The following WBP2NL variants were observed in gnomAD, a reference collection of about 807,000 sequenced individuals.
WBP2NL encodes WBP2 N-terminal like, also known as postacrosomal sheath WW domain-binding protein.
A neutral mutation model predicts 23.3 loss-of-function variants in WBP2NL; 27 were observed. The ratio of observed to expected loss-of-function variants is 1.16; its 90% CI spans 0.85 to 1.60. The LOEUF (loss-of-function observed/expected upper bound fraction) is 1.60, where lower values mean the gene tolerates loss of function less well. Among genes scored for constraint, WBP2NL ranks in the 40% most tolerant of loss-of-function variants. The pLI, the probability that WBP2NL is intolerant of heterozygous loss-of-function variation, is 0.00. For missense variants in WBP2NL, 370 were observed against 389.5 expected (o/e 0.95, Z 0.42); for synonymous variants, 151 against 145.9 (o/e 1.03, Z -0.25).
intron 1 of WBP2NL, among the ~76,000 whole-genome samples, chr22:42,005,048 C>G (rs1185886136): frequency 1.3e-5 from 2 of 151,512 alleles, no homozygotes; most frequent in African/African-American, 2.4e-5. Context: ...GAAACCCCGT[C>G]TCTACTAAAA....
rs1336781232 is a variant in WBP2NL, at chr22:42,057,309, TTA to T, written c.*274-980_*274-979del. ...TCTTTTTCTGTCAAATCTACTATTA[TTA>T]AACCTCTTCAGTGAATTCTCATTTC... On this transcript the variant is annotated intron_variant and NMD_transcript_variant, in intron 8 of 8. Coordinates refer to the WBP2NL transcript ENST00000436265. Among the ~76,000 whole-genome samples the T allele has an allele frequency of 2.0e-5, 3 of 152,198 alleles. No homozygotes were observed. In the East Asian group the frequency reaches 5.8e-4, roughly 29 times the overall value.
At chr22:42,026,548 T>C (rs1809204510) in intron 5 of WBP2NL, among the ~76,000 whole-genome samples, 1 of 152,168 alleles carries the variant, frequency 6.6e-6, no homozygotes, top group African/African-American at 2.4e-5. Flanking sequence ...CGCACCGATC[T>C]ATTGATAGGG....
At chr22:42,023,723 CT>C (rs1924199636) in intron 5 of WBP2NL, among the ~76,000 whole-genome samples, 2 of 151,740 alleles carry the variant, frequency 1.3e-5, no homozygotes, top group South Asian at 4.2e-4. Flanking sequence ...TCTCGATCTC[CT>C]GACCTTGTGA....
In WBP2NL at chr22:42,053,675, G is replaced by T. The variant is rs184748459; in HGVS notation, c.*274-4615G>T. Among the ~76,000 whole-genome samples the T allele has an allele frequency of 3.3e-5, 5 of 152,060 alleles. No homozygotes were observed. In the East Asian group the frequency reaches 9.7e-4, roughly 29 times the overall value. Reference sequence around the variant, plus strand: ...GGGTTTTACTATGTTGGCCAGGCTGGTCTCGAACTCCTGACCTCATGATCC... The same window carrying T: ...GGGTTTTACTATGTTGGCCAGGCTGTTCTCGAACTCCTGACCTCATGATCC... On this transcript the variant is annotated intron_variant and NMD_transcript_variant, in intron 8 of 8. Coordinates refer to the WBP2NL transcript ENST00000436265.
In WBP2NL at chr22:42,057,551, C is replaced by CT. The variant is rs11302032; in HGVS notation, c.*274-727dup. Among the ~76,000 whole-genome samples the CT allele has an allele frequency of 4.7e-3, 691 of 146,300 alleles. 2 individuals carry two copies. Among genetic ancestry groups the CT allele is most frequent in the African/African-American group, 0.016 (626 of 39,678 alleles). On this transcript the variant is annotated intron_variant and NMD_transcript_variant, in intron 8 of 8. Coordinates refer to the WBP2NL transcript ENST00000436265. ...GCTTGCTGTTTCTACTAGAATTCAA[C>CT]TTTTTTTTTTTTCAGTTGAAGTTTT... is the stretch of plus-strand genomic sequence containing the variant.
At chr22:42,014,053 A>T (rs886639296) in intron 1 of WBP2NL, among the ~76,000 whole-genome samples, 1 of 152,008 alleles carries the variant, frequency 6.6e-6, no homozygotes, top group Non-Finnish European at 1.5e-5. Flanking sequence ...AAGTACTGGG[A>T]TTACAGGCAT....
chr22:42,000,772 C>CA (rs56318914), intron 1 of WBP2NL, among the ~76,000 whole-genome samples: 68,314 of 133,110 alleles, frequency 0.51, 16,680 homozygotes, highest in East Asian at 0.85. Context: ...ACTAAAAATA[C>CA]AAAAAAAAAA....
chr22:42,024,086 C>T (rs1429795868), intron 5 of WBP2NL, among the ~76,000 whole-genome samples: 14 of 152,168 alleles, frequency 9.2e-5, no homozygotes, highest in Admixed American at 7.9e-4. Flanking sequence ...AGAAATCATA[C>T]AATATGTGAC....
chr22:42,022,483 A>C, intron 5 of WBP2NL, 127 bp downstream of exon 5: 1 of 817,446 alleles, frequency 1.2e-6, no homozygotes, highest in Non-Finnish European at 1.9e-6. Context: ...GAAAATGGTC[A>C]CATCTGTGAC....
At chr22:42,022,162 A>AAATACTCTG in intron 4 of WBP2NL, 87 bp from the exon 5 acceptor site, 1 of 1,088,484 alleles carries the variant, frequency 9.2e-7, no homozygotes. Flanking sequence ...GGTGGTGATT[A>AAATACTCTG]AATACTCTGT....
At chr22:42,021,632 C>G (rs983493078) in intron 4 of WBP2NL, among the ~76,000 whole-genome samples, 1 of 152,140 alleles carries the variant, frequency 6.6e-6, no homozygotes, top group Non-Finnish European at 1.5e-5. Context: ...ATATATCTTA[C>G]CAACTTGGTA....
chr22:42,003,921 G>A (rs1461271337), intron 1 of WBP2NL, among the ~76,000 whole-genome samples: 2 of 152,214 alleles, frequency 1.3e-5, no homozygotes, highest in African/African-American at 4.8e-5. Context: ...TGATGCTTTA[G>A]GAAAAGTTTA....
At chr22:42,057,296 A>G (rs1224948783) in intron 8 of WBP2NL, among the ~76,000 whole-genome samples, 2 of 152,118 alleles carry the variant, frequency 1.3e-5, no homozygotes, top group East Asian at 3.8e-4. Flanking sequence ...TTTTTCTGTC[A>G]AATCTACTAT....
At chr22:42,001,601 G>A in intron 1 of WBP2NL, 1 of 1,148,918 alleles carries the variant, frequency 8.7e-7, no homozygotes, top group Non-Finnish European at 1.3e-6. Context: ...TGTGGCCCCA[G>A]TGGCACCGCC....
chr22:42,050,631 G>A (rs186298014), intron 8 of WBP2NL, among the ~76,000 whole-genome samples: 1 of 151,094 alleles, frequency 6.6e-6, no homozygotes, highest in East Asian at 2.0e-4. Context: ...CTGGGCAACA[G>A]AGTGAGACTC....
In WBP2NL at chr22:41,998,998, C is replaced by G. The variant is rs552498256; in HGVS notation, c.62+118C>G. 40 of 1,201,842 alleles carry G rather than the reference C, an allele frequency of 3.3e-5. No homozygotes were observed. The East Asian group carries it at 7.3e-4, about 22-fold the overall frequency. The allele number at this position is 1,201,842 out of a possible 1,614,324, so 74.4% of individuals were successfully genotyped here. A position where few individuals can be genotyped will look rare whatever the true frequency, so the allele number is the denominator to read the frequency against. On this transcript the variant is annotated intron_variant, in intron 1 of 5. Coordinates refer to ENST00000328823, the MANE Select transcript of WBP2NL (RefSeq NM_152613.3). ...TGCCGCCTTTTTTGGGCGCGGCGCT[C>G]TTAGCTCCGCCCCCGACCTTTGGGA... is the stretch of plus-strand genomic sequence containing the variant.
intron 1 of WBP2NL, among the ~76,000 whole-genome samples, chr22:42,013,844 G>A (rs758423751): frequency 6.6e-5 from 10 of 151,514 alleles, no homozygotes; most frequent in Admixed American, 1.3e-4. Context: ...GCATTGGTGC[G>A]ATCTCAGTTC....
At chr22:42,004,366 G>A (rs1218190496) in intron 1 of WBP2NL, among the ~76,000 whole-genome samples, 2 of 152,208 alleles carry the variant, frequency 1.3e-5, no homozygotes, top group East Asian at 1.9e-4. Flanking sequence ...GGCTGAGGTC[G>A]GTGGATCACT....
intron 8 of WBP2NL, among the ~76,000 whole-genome samples, chr22:42,048,863 A>G (rs1925705672): frequency 6.6e-6 from 1 of 152,174 alleles, no homozygotes; most frequent in Non-Finnish European, 1.5e-5. Context: ...AAAACCCTAC[A>G]GGTGACATAA....
Sources: allele counts gnomAD v4.1 joint callset (sites outside exome capture counted in the v4.1 genomes callset), GRCh38; gene constraint gnomAD v4.1.1; transcripts MANE v1.5; gene names NCBI Gene and HGNC (gene_info 2026-07-23, HGNC 2026-07-21).